ZNF236: variants seen among roughly 807,000 people sequenced by gnomAD.
The protein encoded by ZNF236 is zinc finger protein 236.
ZNF236 carries 50 observed loss-of-function variants against 191.2 expected under a neutral mutation model. The observed-to-expected ratio is 0.26, with a 90% confidence interval of 0.21 to 0.33. The LOEUF is 0.33. ZNF236 is among the 10% of genes least tolerant of loss of function. The pLI is 1.00. For synonymous variants in ZNF236, 907 were observed against 928.8 expected (o/e 0.98, Z 0.43); for missense variants, 1,754 against 2,374.5 (o/e 0.74, Z 5.43).
intron 9 of ZNF236, among the ~76,000 whole-genome samples, chr18:76,881,871 C>T (rs945681795): frequency 6.6e-6 from 1 of 152,198 alleles, no homozygotes; most frequent in African/African-American, 2.4e-5. Flanking sequence ...TGCTTCAGTT[C>T]TTCTCACCCT....
rs1463729070 is a variant in ZNF236 at position 76,956,067 on chromosome 18, G to A, written c.4997G>A (p.Arg1666His). 5.0e-6 allele frequency: 8 copies of A among 1,607,174 alleles called. No individual in the cohort carries two copies. The highest frequency in any genetic ancestry group is 4.0e-5 in the African/African-American group (3 of 74,976). Residue 1666 changes from arginine to histidine, a missense_variant, in exon 28 of 31, where the codon CGC becomes CAC. Coordinates refer to ENST00000320610, the MANE Select transcript of ZNF236 (RefSeq NM_001306089.2). ...GCGCACCAGTGCCTGGAGTGTGACC[G>A]CGCCTTCTCATCGGCGGCGGTGCTC... ...GRAHQCLECD[R>H]AFSSAAVLMH...
chr18:76,845,848 TAA>T (rs146207394), intron 1 of ZNF236, among the ~76,000 whole-genome samples: 2 of 142,662 alleles, frequency 1.4e-5, no homozygotes, highest in Admixed American at 7.1e-5. Context: ...GACTCCATCT[TAA>T]AAAAAAAAAA....
In ZNF236 at chr18:76,960,735, C is replaced by T. The variant is rs897251691; in HGVS notation, c.5299C>T (p.Leu1767=). ...CEKAFNQKSA[L]QVHMKKHTGE... ...GAAAGCCTTCAACCAGAAGAGTGCG[C>T]TGCAGGTGCACATGAAGAAGCACAC... The change falls in exon 30 of 31, where the codon CTG becomes TTG. Residue 1767 remains leucine (L), a synonymous_variant. Coordinates refer to ENST00000320610, the MANE Select transcript of ZNF236 (RefSeq NM_001306089.2). This position sits in a 1 kb window ranked among gnomAD's most constrained non-coding sequence, Gnocchi z 4.4. 1.4e-5 allele frequency: 22 copies of T among 1,614,044 alleles called. No homozygotes were observed. The highest frequency in any genetic ancestry group is 1.9e-5 in the Non-Finnish European group (22 of 1,179,978).
chr18:76,871,899 G>A (rs1568205645), intron 5 of ZNF236, 74 bp downstream of exon 5: 7 of 1,566,110 alleles, frequency 4.5e-6, no homozygotes, highest in East Asian at 2.3e-5. Context: ...TTGCTAGCTC[G>A]ACTTGGAATC....
chr18:76,963,978 CTAG>C (rs1968717870), intron 30 of ZNF236, among the ~76,000 whole-genome samples: 1 of 152,108 alleles, frequency 6.6e-6, no homozygotes, highest in Admixed American at 6.5e-5. Flanking sequence ...GTTAATCTTG[CTAG>C]TAGTCTATCA....
intron 1 of ZNF236, among the ~76,000 whole-genome samples, chr18:76,847,567 G>A (rs990617556): frequency 3.9e-5 from 6 of 151,998 alleles, no homozygotes; most frequent in Non-Finnish European, 7.4e-5. Flanking sequence ...CCAGGTTCAC[G>A]CCTTTCTCCT....
At chr18:76,950,958 G>A (rs1197010112) in intron 27 of ZNF236, among the ~76,000 whole-genome samples, 2 of 152,202 alleles carry the variant, frequency 1.3e-5, no homozygotes. Flanking sequence ...ACAGCTCTTG[G>A]GTGACCAGGT....
Position 76,928,046 on chromosome 18 carries a change from G to T in ZNF236, c.4534G>T (p.Ala1512Ser), listed in dbSNP as rs76679748. The change falls in exon 25 of 31, where the codon GCT becomes TCT. Residue 1512 changes from alanine (A) to serine (S), a missense_variant. Coordinates refer to ENST00000320610, the MANE Select transcript of ZNF236 (RefSeq NM_001306089.2). ...CCTGAGCCAGGTCCTGGCACAGGCC[G>T]CTGGGCCCACTGCCACGTCTTCCTC... ...SSLSQVLAQA[A>S]GPTATSSSGS... 1.9e-6 allele frequency: 3 copies of T among 1,613,498 alleles called. No individual in the cohort carries two copies. Among genetic ancestry groups the T allele is most frequent in the Non-Finnish European group, 2.5e-6 (3 of 1,179,742 alleles).
chr18:76,886,618 C>T (rs1469680090), intron 9 of ZNF236: 3 of 157,708 alleles, frequency 1.9e-5, no homozygotes, highest in South Asian at 3.6e-4. Flanking sequence ...ATATAAACTG[C>T]GCAGGAGTCA....
At chr18:76,958,903 G>A (rs911154247) in intron 28 of ZNF236, among the ~76,000 whole-genome samples, 10 of 152,190 alleles carry the variant, frequency 6.6e-5, no homozygotes, top group Non-Finnish European at 1.2e-4. Flanking sequence ...CACAGGAAAC[G>A]TGTACTTTTC....
chr18:76,882,878 G>C (rs988069636), intron 9 of ZNF236, among the ~76,000 whole-genome samples: 1 of 152,222 alleles, frequency 6.6e-6, no homozygotes, highest in African/African-American at 2.4e-5. Flanking sequence ...TTACAGGTGT[G>C]TTTTGTATTC....
At chr18:76,879,583 T>C (rs1976817612) in intron 7 of ZNF236, among the ~76,000 whole-genome samples, 1 of 152,178 alleles carries the variant, frequency 6.6e-6, no homozygotes, top group Non-Finnish European at 1.5e-5. Context: ...TTCTTCTGGA[T>C]GGGACATTTC....
At chr18:76,850,814 GC>G (rs1293576354) in intron 2 of ZNF236, among the ~76,000 whole-genome samples, 1 of 151,776 alleles carries the variant, frequency 6.6e-6, no homozygotes, top group East Asian at 2.0e-4. Flanking sequence ...TGTTGGCCAG[GC>G]TGGTCTCGAA....
chr18:76,941,246 G>C (rs1968126922), intron 26 of ZNF236, among the ~76,000 whole-genome samples: 1 of 152,138 alleles, frequency 6.6e-6, no homozygotes, highest in South Asian at 2.1e-4. Context: ...ATGACCCTGG[G>C]ATGCGCTGTG....
intron 20 of ZNF236, among the ~76,000 whole-genome samples, chr18:76,921,312 G>A (rs1427385306): frequency 1.3e-5 from 2 of 152,222 alleles, no homozygotes; most frequent in Non-Finnish European, 2.9e-5. Context: ...CTTCAACAGC[G>A]AGCTCTCGTT....
intron 11 of ZNF236, among the ~76,000 whole-genome samples, chr18:76,901,454 C>T (rs1977589861): frequency 6.6e-6 from 1 of 152,152 alleles, no homozygotes; most frequent in African/African-American, 2.4e-5. Flanking sequence ...AGTAAAAGAT[C>T]ATCTTCTCCA....
chr18:76,866,020 A>T (rs1976393820), intron 3 of ZNF236, among the ~76,000 whole-genome samples: 1 of 152,256 alleles, frequency 6.6e-6, no homozygotes, highest in African/African-American at 2.4e-5. Flanking sequence ...TCTCAAACCC[A>T]GAAGAGTAAA....
intron 30 of ZNF236, among the ~76,000 whole-genome samples, chr18:76,962,896 A>G (rs894285678): frequency 2.6e-5 from 4 of 152,172 alleles, no homozygotes; most frequent in African/African-American, 4.8e-5. Flanking sequence ...GTTGGTGTAT[A>G]GAAGAGCTAC....
At chr18:76,857,235 C>G (rs1004932428) in intron 3 of ZNF236, among the ~76,000 whole-genome samples, 2 of 152,164 alleles carry the variant, frequency 1.3e-5, no homozygotes, top group Non-Finnish European at 2.9e-5. Context: ...CCTGGCAGCA[C>G]CAGCATTATT....
Sources: allele counts gnomAD v4.1 joint callset (sites outside exome capture counted in the v4.1 genomes callset), GRCh38; gene constraint gnomAD v4.1.1; non-coding constraint Gnocchi (gnomAD v3.1); transcripts MANE v1.5; gene names NCBI Gene and HGNC (gene_info 2026-07-23, HGNC 2026-07-21).